Variants in KCNJ15 observed in about 807,000 individuals in gnomAD.
KCNJ15 encodes potassium inwardly rectifying channel subfamily J member 15.
In KCNJ15, 14 loss-of-function variants were observed where a neutral mutation model predicts 23.0. That is an observed-to-expected ratio of 0.61 (90% confidence interval 0.40 to 0.95). The LOEUF is 0.95. KCNJ15 is among the 40% of genes least tolerant of loss of function. The probability of loss-of-function intolerance (pLI) is 0.00; values close to 1 mark genes in which losing one functional copy is unlikely to be tolerated. For missense variants in KCNJ15, 388 were observed against 461.8 expected, an observed-to-expected ratio of 0.84 and a Z score of 1.46; for synonymous variants, 185 against 183.2, an observed-to-expected ratio of 1.01 and a Z score of -0.08.
chr21:38,251,057 A>G (rs997203434), intron 1 of KCNJ15, among the ~76,000 whole-genome samples: 37 of 152,172 alleles, frequency 2.4e-4, no homozygotes, highest in Admixed American at 6.5e-5. Context: ...GGTGGGGGGT[A>G]ATACAAGCCA....
In KCNJ15 at chr21:38,300,223, G is replaced by A. The variant is rs1157297131; in HGVS notation, c.962G>A (p.Gly321Glu). 6.2e-7 allele frequency: 1 copy of A among 1,614,018 alleles called. No homozygotes were observed. Among genetic ancestry groups the A allele is most frequent in the Non-Finnish European group, 8.5e-7 (1 of 1,180,036 alleles). Residue 321 changes from glycine (G) to glutamate (E), a missense_variant, in exon 3 of 3, where the codon GGA (glycine) becomes GAA (glutamate). By Grantham distance (98) the Gly-to-Glu change is moderately conservative. Transcript: ENST00000398938. ...FVPVVSLSKN[G>E]KYVADFSQFE... ...CCTGTGGTATCTCTCTCCAAAAATG[G>A]AAAATATGTGGCTGATTTCAGTCAG...
Position 38,304,662 on chromosome 21 carries a change from C to CTTTATTTTTTTTTTTT in KCNJ15, c.*4276_*4277insATTTTTTTTTTTTTTT. The stretch of plus-strand genomic sequence containing the variant: ...TTACCCTTTGTAAACTTCAATTTAT[C>CTTTATTTTTTTTTTTT]TTTTTTTTTTTTTTTTTTTTTTTTT... On this transcript the variant is annotated 3_prime_UTR_variant, in exon 3 of 3. Coordinates refer to ENST00000398938, the MANE Select transcript of KCNJ15 (RefSeq NM_170736.3). The CTTTATTTTTTTTTTTT allele has an allele frequency of 1.8e-5, 1 of 56,026 alleles. No individual in the cohort carries two copies. Among genetic ancestry groups the CTTTATTTTTTTTTTTT allele is most frequent in the Non-Finnish European group, 3.6e-5 (1 of 28,118 alleles). The allele number at this position is 56,026 out of a possible 1,614,324, so 3.5% of individuals were successfully genotyped here. A position where few individuals can be genotyped will look rare whatever the true frequency, so the allele number is the denominator to read the frequency against.
chr21:38,241,811 C>CA (rs1264043410), intron 1 of KCNJ15, among the ~76,000 whole-genome samples: 6 of 151,286 alleles, frequency 4.0e-5, no homozygotes, highest in Admixed American at 6.6e-5. Context: ...TACTAAAATA[C>CA]AAAAAAAATT....
At chr21:38,259,362 G>A (rs1040673509) in intron 1 of KCNJ15, among the ~76,000 whole-genome samples, 1 of 152,138 alleles carries the variant, frequency 6.6e-6, no homozygotes, top group Non-Finnish European at 1.5e-5. Flanking sequence ...TGACTGGCCC[G>A]TGGGAATGCT....
At chr21:38,287,603 C>T (rs1453633474) in intron 1 of KCNJ15, among the ~76,000 whole-genome samples, 1 of 152,156 alleles carries the variant, frequency 6.6e-6, no homozygotes, top group Non-Finnish European at 1.5e-5. Context: ...TATTTGCTGT[C>T]CATCTGAAAT....
intron 1 of KCNJ15, among the ~76,000 whole-genome samples, chr21:38,263,472 A>G (rs1233207732): frequency 6.6e-6 from 1 of 152,186 alleles, no homozygotes; most frequent in East Asian, 1.9e-4. Context: ...CCCCTCTTGA[A>G]TCTTCACAGC....
At position 38,302,009 on chromosome 21, in the gene KCNJ15, CAT is replaced by C. The variant is rs996194347; in HGVS notation, c.*1621_*1622del. ...ACACACGCGCGTGCACACACGCACA[CAT>C]GCACACACACATACGCACACGTAAA... On this transcript the variant is annotated 3_prime_UTR_variant, in exon 3 of 3. Coordinates refer to ENST00000398938, the MANE Select transcript of KCNJ15 (RefSeq NM_170736.3). The C allele has an allele frequency of 7.4e-5, 11 of 149,638 alleles. No individual in the cohort carries two copies. The highest frequency in any genetic ancestry group is 6.0e-4 in the Admixed American group (9 of 14,904). 9.3% of individuals were successfully genotyped at this position (149,638 alleles called of 1,614,324 possible).
At chr21:38,278,951 G>A (rs116130419) in intron 1 of KCNJ15, among the ~76,000 whole-genome samples, 2,016 of 152,308 alleles carry the variant, frequency 0.013, 59 homozygotes, top group African/African-American at 0.047. Flanking sequence ...TATGAAGGAT[G>A]CTATAGAGAG....
rs190813576 is a variant in KCNJ15 at position 38,300,230 on chromosome 21, T to C, written c.969T>C (p.Tyr323=). The change falls in exon 3 of 3, where the codon TAT becomes TAC. Residue 323 remains tyrosine, a synonymous_variant. Transcript: ENST00000398938. ...PVVSLSKNGK[Y]VADFSQFEQI... is the part of the protein sequence containing the mutation. Reference sequence around the variant, plus strand: ...TATCTCTCTCCAAAAATGGAAAATATGTGGCTGATTTCAGTCAGTTTGAAC... The same window carrying C: ...TATCTCTCTCCAAAAATGGAAAATACGTGGCTGATTTCAGTCAGTTTGAAC... 9.3e-6 allele frequency: 15 copies of C among 1,614,222 alleles called. No homozygotes were observed. The highest frequency in any genetic ancestry group is 2.2e-5 in the East Asian group (1 of 44,892).
intron 1 of KCNJ15, among the ~76,000 whole-genome samples, chr21:38,292,968 CA>C (rs540116040): frequency 0.16 from 13,035 of 82,808 alleles, 1,440 homozygotes; most frequent in African/African-American, 0.35. Flanking sequence ...GATGCTGTCT[CA>C]AAAAAAAAAA....
chr21:38,242,518 G>T (rs2836237), intron 1 of KCNJ15, among the ~76,000 whole-genome samples: 5,666 of 152,234 alleles, frequency 0.037, 216 homozygotes, highest in East Asian at 0.1. Context: ...ATCCAACATT[G>T]GAACCATTTT....
intron 1 of KCNJ15, among the ~76,000 whole-genome samples, chr21:38,259,005 G>A (rs1385131508): frequency 6.7e-6 from 1 of 148,798 alleles, no homozygotes; most frequent in Non-Finnish European, 1.5e-5. Context: ...TTCTTGGGGC[G>A]TGTGTGTGTG....
chr21:38,293,261 ACCCACCCAC>A (rs1984804431), intron 1 of KCNJ15, among the ~76,000 whole-genome samples: 1 of 151,922 alleles, frequency 6.6e-6, no homozygotes, highest in Non-Finnish European at 1.5e-5. Flanking sequence ...CCAATCCATG[ACCCACCCAC>A]ATGCAAGGCA....
At chr21:38,241,329 T>C (rs562171497) in intron 1 of KCNJ15, among the ~76,000 whole-genome samples, 6 of 152,280 alleles carry the variant, frequency 3.9e-5, no homozygotes, top group African/African-American at 1.4e-4. Context: ...CCCTCTGCAG[T>C]GGAGTATTGA....
rs1555885288 is a variant in KCNJ15 at position 38,291,025 on chromosome 21, C to CACACACACACACACAT, written c.-116-5901_-116-5900insACACACACACACACAT. On this transcript the variant is annotated intron_variant, in intron 1 of 2. Coordinates refer to ENST00000398938, the MANE Select transcript of KCNJ15 (RefSeq NM_170736.3). ...ACACACACACACACACACACACACACGTATATATAGCTACAGTTAAGCAGG... is the reference window on the plus strand; with the variant it reads ...ACACACACACACACACACACACACACACACACACACACACATGTATATATAGCTACAGTTAAGCAGG... Among the ~76,000 whole-genome samples the CACACACACACACACAT allele has an allele frequency of 8.7e-4, 131 of 151,052 alleles. 1 individual carries two copies. The highest frequency in any genetic ancestry group is 8.4e-3 in the South Asian group (40 of 4,744).
upstream of KCNJ15, chr21:38,256,571 AG>A (rs1980265773): frequency 6.6e-6 from 1 of 151,848 alleles, no homozygotes; most frequent in South Asian, 2.1e-4. Context: ...GAGAGAGGAA[AG>A]AGAAAAAGAA....
At chr21:38,236,661 T>A (rs1978624127) in intron 1 of KCNJ15, among the ~76,000 whole-genome samples, 1 of 152,224 alleles carries the variant, frequency 6.6e-6, no homozygotes, top group South Asian at 2.1e-4. Context: ...CCTGTGAATT[T>A]ATGCAGCCTT....
rs751373367 is a variant in KCNJ15 at position 38,299,377 on chromosome 21, G to A, written c.116G>A (p.Arg39Lys). 1.1e-5 allele frequency: 18 copies of A among 1,614,226 alleles called. No individual in the cohort carries two copies. Among genetic ancestry groups the A allele is most frequent in the Non-Finnish European group, 1.5e-5 (18 of 1,180,034 alleles). The change falls in exon 3 of 3, where the codon AGA becomes AAA. Residue 39 changes from arginine to lysine, a missense_variant. Physicochemically the swap from Arg to Lys is conservative, Grantham distance 26. Transcript: ENST00000398938. This position sits in a 1 kb window ranked among gnomAD's most constrained non-coding sequence, Gnocchi z 4.5. ...TCCAAGAGTGGGCACAGCAACGTGAGAATTGACAAAGTGGATGGCATATAC... is the reference window on the plus strand; with the variant it reads ...TCCAAGAGTGGGCACAGCAACGTGAAAATTGACAAAGTGGATGGCATATAC... Reference protein sequence around the residue: ...VMSKSGHSNVRIDKVDGIYLL... With the variant: ...VMSKSGHSNVKIDKVDGIYLL...
intron 1 of KCNJ15, among the ~76,000 whole-genome samples, chr21:38,286,133 C>T (rs1983871393): frequency 6.6e-6 from 1 of 152,118 alleles, no homozygotes; most frequent in Admixed American, 6.5e-5. Context: ...GTCCCAGCTA[C>T]TTGGGAGGCT....
Sources: gnomAD v4.1 joint callset for allele counts (sites outside exome capture counted in the v4.1 genomes callset) on GRCh38, gnomAD v4.1.1 for gene constraint, Gnocchi (gnomAD v3.1) non-coding constraint, MANE v1.5 for transcripts, NCBI Gene and HGNC (gene_info 2026-07-23, HGNC 2026-07-21) for gene names.